Variants in ACSBG1 observed in about 807,000 individuals in gnomAD.
ACSBG1 encodes the protein acyl-CoA synthetase bubblegum family member 1.
ACSBG1 carries 39 observed loss-of-function variants against 80.2 expected under a neutral mutation model. That is an observed-to-expected ratio of 0.49 (90% CI 0.38 to 0.64). ACSBG1 has a LOEUF of 0.64. ACSBG1 is among the 30% of genes least tolerant of loss of function. The pLI, the probability that ACSBG1 is intolerant of heterozygous loss-of-function variation, is 0.00. For synonymous variants in ACSBG1, 392 were observed against 379.5 expected (o/e 1.03, Z -0.38); for missense variants, 828 against 966.4 (o/e 0.86, Z 1.90).
At chr15:78,208,501 T>G (rs558113797) in intron 1 of ACSBG1, among the ~76,000 whole-genome samples, 8 of 152,318 alleles carry the variant, frequency 5.3e-5, no homozygotes, top group South Asian at 2.1e-4. Context: ...GGCAGACTTT[T>G]GGGGCGGGGG....
intron 2 of ACSBG1, among the ~76,000 whole-genome samples, chr15:78,198,545 G>A (rs1343520997): frequency 6.9e-6 from 1 of 145,214 alleles, no homozygotes; most frequent in African/African-American, 2.6e-5. Flanking sequence ...ATGGCGTTTC[G>A]CCATGTTGGC....
intron 5 of ACSBG1, among the ~76,000 whole-genome samples, chr15:78,186,888 G>A (rs971763034): frequency 3.3e-5 from 5 of 152,130 alleles, no homozygotes; most frequent in African/African-American, 1.2e-4. Context: ...TCCAGGAGCT[G>A]GTTTTTTGAA....
At chr15:78,191,087 T>G (rs2075053032) in intron 5 of ACSBG1, among the ~76,000 whole-genome samples, 2 of 152,216 alleles carry the variant, frequency 1.3e-5, no homozygotes, top group African/African-American at 4.8e-5. Context: ...ATGCAAACAT[T>G]AATTATCAGA....
chr15:78,207,780 A>C (rs904314058), intron 2 of ACSBG1: 27 of 551,044 alleles, frequency 4.9e-5, no homozygotes, highest in African/African-American at 4.5e-4. Context: ...CTTGAAGAAG[A>C]AATCTCCCCA....
At chr15:78,206,144 C>T (rs755427639) in intron 2 of ACSBG1, among the ~76,000 whole-genome samples, 3 of 152,216 alleles carry the variant, frequency 2.0e-5, no homozygotes, top group Admixed American at 1.3e-4. Flanking sequence ...TGGGGTCCCT[C>T]GGTGGCCTCC....
chr15:78,234,502 C>G lies in ACSBG1; in HGVS notation c.-1G>C, dbSNP rs1328685613. On this transcript the variant is annotated 5_prime_UTR_variant, in exon 1 of 14. Coordinates refer to ENST00000258873, the MANE Select transcript of ACSBG1 (RefSeq NM_015162.5). ...ATCCAGCTCCAGAATTGCGTGGCAT[C>G]TGCCTCGGGCTTCCACTGAAGACAG... 1.2e-6 allele frequency: 2 copies of G among 1,607,730 alleles called. No individual in the cohort carries two copies. Among genetic ancestry groups the G allele is most frequent in the South Asian group, 2.2e-5 (2 of 91,046 alleles).
chr15:78,192,925 G>A (rs1051924027), intron 5 of ACSBG1, among the ~76,000 whole-genome samples: 4 of 152,166 alleles, frequency 2.6e-5, no homozygotes, highest in Admixed American at 6.5e-5. Context: ...CCACACCCCA[G>A]TATGGTGCAT....
chr15:78,229,273 TAACAAA>T (rs917551367), intron 1 of ACSBG1, among the ~76,000 whole-genome samples: 4 of 152,212 alleles, frequency 2.6e-5, no homozygotes, highest in African/African-American at 9.7e-5. Context: ...AATGCATTCT[TAACAAA>T]AACAAAGAAA....
chr15:78,195,760 G>A (rs2141350653), intron 2 of ACSBG1, among the ~76,000 whole-genome samples: 1 of 152,300 alleles, frequency 6.6e-6, no homozygotes, highest in African/African-American at 2.4e-5. Flanking sequence ...CTTTCCTTGG[G>A]GCAAGGGTGG....
At chr15:78,215,735 A>AAAGAAAGGAAGAAAGAAAGG (rs1555434019) in intron 1 of ACSBG1, among the ~76,000 whole-genome samples, 42 of 125,358 alleles carry the variant, frequency 3.4e-4, no homozygotes, top group African/African-American at 1.2e-3. Context: ...AGAAAGAAAG[A>AAAGAAAGGAAGAAAGAAAGG]AAGAAAGAAA....
At chr15:78,217,601 C>T (rs2075322919) in intron 1 of ACSBG1, among the ~76,000 whole-genome samples, 1 of 149,118 alleles carries the variant, frequency 6.7e-6, no homozygotes, top group Non-Finnish European at 1.5e-5. Flanking sequence ...AGTCTTCACT[C>T]TGTCGCCCAG....
intron 12 of ACSBG1, 53 bp from the exon 13 acceptor site, chr15:78,173,892 CCCTGG>C: frequency 6.3e-7 from 1 of 1,580,120 alleles, no homozygotes. Flanking sequence ...AAGACGTAAG[CCCTGG>C]TCCTGGAGGA....
chr15:78,219,711 G>A (rs774704653), intron 1 of ACSBG1, among the ~76,000 whole-genome samples: 28 of 152,230 alleles, frequency 1.8e-4, no homozygotes, highest in Non-Finnish European at 3.4e-4. Flanking sequence ...CTGGCCGGGC[G>A]CGGTGGCTAA....
chr15:78,218,590 T>C (rs1042399415), intron 1 of ACSBG1, among the ~76,000 whole-genome samples: 5 of 152,318 alleles, frequency 3.3e-5, no homozygotes, highest in African/African-American at 1.2e-4. Flanking sequence ...TGCCAGGCAC[T>C]GTTCCAATTG....
chr15:78,192,761 C>T (rs1014114660), intron 5 of ACSBG1, among the ~76,000 whole-genome samples: 6 of 152,284 alleles, frequency 3.9e-5, no homozygotes, highest in South Asian at 2.1e-4. Flanking sequence ...GTCCCACCCT[C>T]GGGCACAGAT....
At chr15:78,215,724 GAGAAAGAAAGAA>G (rs56078523) in intron 1 of ACSBG1, among the ~76,000 whole-genome samples, 6,702 of 116,526 alleles carry the variant, frequency 0.058, 234 homozygotes, top group Middle Eastern at 0.089. Flanking sequence ...AAGAAAGAAA[GAGAAAGAAAGAA>G]AGAAAGAAAG....
At position 78,174,514 on chromosome 15, in the gene ACSBG1, G is replaced by C. The variant is rs777438513; in HGVS notation, c.1713C>G (p.Ile571Met). The change falls in exon 12 of 14, where the codon ATC (isoleucine) becomes ATG (methionine). Residue 571 changes from isoleucine (I) to methionine (M), a missense_variant. Transcript: ENST00000258873. ...GGGGCACATTCTCCCCACCAGCTGT[G>C]ATGATTAATTCTGGGGAGGCAAGGC... Reference protein sequence around the residue: ...YITGRLKELIITAGGENVPPV... With the variant: ...YITGRLKELIMTAGGENVPPV... 2 of 1,614,050 alleles carry C rather than the reference G, an allele frequency of 1.2e-6. No homozygotes were observed. Among genetic ancestry groups the C allele is most frequent in the South Asian group, 2.2e-5 (2 of 91,058 alleles).
At chr15:78,180,637 C>T in intron 9 of ACSBG1, 118 bp downstream of exon 9, 3 of 1,373,882 alleles carry the variant, frequency 2.2e-6, no homozygotes, top group Non-Finnish European at 2.9e-6. Flanking sequence ...CACGGGGTCT[C>T]CAGAGCTGCC....
At chr15:78,201,203 C>T (rs890475341) in intron 2 of ACSBG1, among the ~76,000 whole-genome samples, 1 of 152,210 alleles carries the variant, frequency 6.6e-6, no homozygotes, top group African/African-American at 2.4e-5. Context: ...GTCCTGGCTA[C>T]CAGCAGCAAC....
Sources: allele counts gnomAD v4.1 joint callset (sites outside exome capture counted in the v4.1 genomes callset), GRCh38; gene constraint gnomAD v4.1.1; transcripts MANE v1.5; gene names NCBI Gene and HGNC (gene_info 2026-07-23, HGNC 2026-07-21).